GARNL3: variants seen among roughly 807,000 people sequenced by gnomAD.
GARNL3 encodes GTPase activating Rap/RanGAP domain like 3, also known as GTPase-activating Rap/Ran-GAP domain-like protein 3.
A neutral mutation model predicts 125.0 loss-of-function variants in GARNL3; 63 were observed. The observed-to-expected ratio is 0.50, with a 90% confidence interval of 0.41 to 0.62. The LOEUF (loss-of-function observed/expected upper bound fraction) is 0.62, where lower values mean the gene tolerates loss of function less well. Ranked by LOEUF, GARNL3 falls within the 20% of genes least tolerant of loss-of-function variation. The pLI, the probability that GARNL3 is intolerant of heterozygous loss-of-function variation, is 0.00. For missense variants in GARNL3, 994 were observed against 1,244.0 expected (o/e 0.80, Z 3.02); for synonymous variants, 439 against 457.5 (o/e 0.96, Z 0.52).
At chr9:127,224,899 G>T (rs1384004013) in intron 1 of GARNL3, among the ~76,000 whole-genome samples, 4 of 143,920 alleles carry the variant, frequency 2.8e-5, no homozygotes, top group Non-Finnish European at 6.1e-5. Flanking sequence ...GGGCGTTACC[G>T]GAGCGCGGGG....
chr9:127,372,210 A>G (rs1249960685), intron 22 of GARNL3, among the ~76,000 whole-genome samples: 1 of 152,188 alleles, frequency 6.6e-6, no homozygotes, highest in Non-Finnish European at 1.5e-5. Flanking sequence ...TATGTCAGGT[A>G]TTGTTTTAGA....
At chr9:127,303,127 G>A (rs1310268299) in intron 2 of GARNL3, among the ~76,000 whole-genome samples, 2 of 151,876 alleles carry the variant, frequency 1.3e-5, no homozygotes, top group African/African-American at 4.8e-5. Context: ...CTCCAGCCTG[G>A]GCGACAGAGC....
intron 13 of GARNL3, among the ~76,000 whole-genome samples, chr9:127,341,218 T>C (rs1310389116): frequency 6.6e-6 from 1 of 152,178 alleles, no homozygotes; most frequent in Admixed American, 6.5e-5. Flanking sequence ...GATGATGATT[T>C]TGTCTCTCCC....
At chr9:127,305,313 T>A (rs2064922621) in intron 2 of GARNL3, among the ~76,000 whole-genome samples, 1 of 152,206 alleles carries the variant, frequency 6.6e-6, no homozygotes, top group Non-Finnish European at 1.5e-5. Flanking sequence ...GTGTTCAGAG[T>A]TCTTCTTCAG....
intron 5 of GARNL3, among the ~76,000 whole-genome samples, chr9:127,318,651 C>A (rs1447560460): frequency 6.6e-6 from 1 of 152,108 alleles, no homozygotes; most frequent in East Asian, 1.9e-4. Flanking sequence ...TCAGCCACCT[C>A]TCGTGCCCCC....
At chr9:127,375,467 G>GAAAAAAAAA (rs1176190521) in intron 22 of GARNL3, among the ~76,000 whole-genome samples, 1 of 78,044 alleles carries the variant, frequency 1.3e-5, no homozygotes. Context: ...CTCTGTCTCA[G>GAAAAAAAAA]AAAAAAAAAA....
At chr9:127,270,695 A>G (rs1218399234) in intron 1 of GARNL3, among the ~76,000 whole-genome samples, 1 of 152,214 alleles carries the variant, frequency 6.6e-6, no homozygotes, top group Non-Finnish European at 1.5e-5. Flanking sequence ...TTTTCTTAGC[A>G]GTGCTTATCA....
rs1360481522 is a variant in GARNL3 at position 127,266,225 on chromosome 9, G to A, written c.144+1204G>A. Among the ~76,000 whole-genome samples, 1 of 152,126 alleles carries A rather than the reference G, an allele frequency of 6.6e-6. No individual in the cohort carries two copies. The highest frequency in any genetic ancestry group is 1.9e-4 in the East Asian group (1 of 5,194). Reference sequence around the variant, plus strand: ...AGAGATGCATGTAGAGCACCACGGGGGTTCAGAGAAGGAAGGGATCACCCA... The same window carrying A: ...AGAGATGCATGTAGAGCACCACGGGAGTTCAGAGAAGGAAGGGATCACCCA... On this transcript the variant is annotated intron_variant, in intron 1 of 27. Coordinates refer to ENST00000373387, the MANE Select transcript of GARNL3 (RefSeq NM_032293.5). The surrounding 1 kb of genome is among the most constrained non-coding windows in gnomAD (Gnocchi z 4.0).
chr9:127,311,123 A>G, intron 2 of GARNL3, among the ~76,000 whole-genome samples: 1 of 152,296 alleles, frequency 6.6e-6, no homozygotes, highest in Middle Eastern at 3.4e-3. Flanking sequence ...AGCCAATAAC[A>G]CAGGATTATA....
At chr9:127,353,638 T>G (rs756938276) in intron 17 of GARNL3, 2 of 564,412 alleles carry the variant, frequency 3.5e-6, no homozygotes, top group Non-Finnish European at 6.3e-6. Flanking sequence ...TAGAATTGCC[T>G]ATGGGAAGAA....
chr9:127,270,580 C>T (rs962698424), intron 1 of GARNL3, among the ~76,000 whole-genome samples: 4 of 152,182 alleles, frequency 2.6e-5, no homozygotes, highest in East Asian at 1.9e-4. Flanking sequence ...GGGCTTCTCA[C>T]GGCTGATCTC....
intron 22 of GARNL3, among the ~76,000 whole-genome samples, chr9:127,378,898 C>T (rs1347111468): frequency 2.0e-5 from 3 of 152,208 alleles, no homozygotes; most frequent in East Asian, 3.8e-4. Flanking sequence ...ACCTCAGCCT[C>T]CCGAGTAGCT....
chr9:127,354,143 A>T (rs1830557040), intron 18 of GARNL3, 151 bp from the exon 19 acceptor site: 4 of 683,390 alleles, frequency 5.9e-6, no homozygotes, highest in Non-Finnish European at 1.0e-5. Context: ...TGCATACGTA[A>T]TTGCATTGTC....
At chr9:127,293,048 C>T (rs146063904) in intron 2 of GARNL3, among the ~76,000 whole-genome samples, 114 of 152,188 alleles carry the variant, frequency 7.5e-4, no homozygotes, top group African/African-American at 2.5e-3. Context: ...TTATTTCCAC[C>T]GAAACTACTG....
chr9:127,285,385 T>C (rs2064220704), intron 1 of GARNL3, among the ~76,000 whole-genome samples: 1 of 152,252 alleles, frequency 6.6e-6, no homozygotes. Context: ...ATCACGCCAT[T>C]GCACTCCAGC....
At chr9:127,336,692 T>C (rs1006363383) in intron 11 of GARNL3, among the ~76,000 whole-genome samples, 5 of 152,230 alleles carry the variant, frequency 3.3e-5, no homozygotes, top group African/African-American at 1.2e-4. Context: ...ATAGAATTAA[T>C]AGTATTTTTA....
chr9:127,344,601 GC>G (rs1830040017), intron 15 of GARNL3, among the ~76,000 whole-genome samples: 1 of 152,154 alleles, frequency 6.6e-6, no homozygotes. Flanking sequence ...CCAGCTCTGG[GC>G]CCCCCTCTTC....
chr9:127,359,230 C>T (rs1161029441), intron 21 of GARNL3, among the ~76,000 whole-genome samples: 1 of 152,216 alleles, frequency 6.6e-6, no homozygotes, highest in Non-Finnish European at 1.5e-5. Flanking sequence ...TGGCTCACAC[C>T]TGTAATCCCA....
intron 7 of GARNL3, among the ~76,000 whole-genome samples, chr9:127,325,666 C>G (rs1202272532): frequency 6.6e-6 from 1 of 152,174 alleles, no homozygotes; most frequent in East Asian, 1.9e-4. Context: ...GTCTTTCTCT[C>G]TCATCCTATA....
Sources: allele counts gnomAD v4.1 joint callset (sites outside exome capture counted in the v4.1 genomes callset), GRCh38; gene constraint gnomAD v4.1.1; non-coding constraint Gnocchi (gnomAD v3.1); transcripts MANE v1.5; gene names NCBI Gene and HGNC (gene_info 2026-07-23, HGNC 2026-07-21).